TSPAN5: variants seen among roughly 807,000 people sequenced by gnomAD.
TSPAN5 encodes the protein tetraspanin 5, also known as tetraspanin-5.
Under a neutral mutation model 37.1 loss-of-function variants are expected in TSPAN5, and 10 were observed. The ratio of observed to expected loss-of-function variants is 0.27; its 90% CI spans 0.17 to 0.46. TSPAN5 has a LOEUF of 0.46. Ranked by LOEUF, TSPAN5 falls within the 20% of genes least tolerant of loss-of-function variation. The pLI is 1.00. For missense variants in TSPAN5, 195 were observed against 326.6 expected (o/e 0.60, Z 3.11); for synonymous variants, 110 against 118.9 (o/e 0.93, Z 0.48).
intron 1 of TSPAN5, among the ~76,000 whole-genome samples, chr4:98,601,295 T>C (rs1394327108): frequency 6.6e-6 from 1 of 152,238 alleles, no homozygotes; most frequent in East Asian, 1.9e-4. Context: ...CACTGACTTC[T>C]CCTCTCTAGC....
chr4:98,562,014 T>C (rs2110169727), intron 1 of TSPAN5, among the ~76,000 whole-genome samples: 1 of 152,288 alleles, frequency 6.6e-6, no homozygotes, highest in Non-Finnish European at 1.5e-5. Context: ...CCCTCAAAAG[T>C]AGGCTCCATG....
chr4:98,491,703 TG>T lies in TSPAN5; in HGVS notation c.133-4820del, dbSNP rs1228417661. Among the ~76,000 whole-genome samples, 5 of 141,086 alleles carry T rather than the reference TG, an allele frequency of 3.5e-5. No homozygotes were observed. In the South Asian group the frequency reaches 1.1e-3, roughly 32 times the overall value. The allele number at this position is 141,086 out of a possible 152,430, so 92.6% of individuals were successfully genotyped here. On this transcript the variant is annotated intron_variant, in intron 2 of 7. Coordinates refer to ENST00000305798, the MANE Select transcript of TSPAN5 (RefSeq NM_005723.4). ...CTCTGTCTAAAAAAAAAAAAAAAGGTGGGGGGGAACATAATCCTGACAACAG... is the reference window on the plus strand; with the variant it reads ...CTCTGTCTAAAAAAAAAAAAAAAGGTGGGGGGAACATAATCCTGACAACAG...
At chr4:98,490,798 C>A (rs1401302935) in intron 2 of TSPAN5, among the ~76,000 whole-genome samples, 1 of 152,090 alleles carries the variant, frequency 6.6e-6, no homozygotes, top group Non-Finnish European at 1.5e-5. Flanking sequence ...TGATGGCTCA[C>A]GCCTGTAATC....
intron 1 of TSPAN5, among the ~76,000 whole-genome samples, chr4:98,550,547 A>G (rs527649527): frequency 4.0e-5 from 6 of 148,270 alleles, no homozygotes; most frequent in Non-Finnish European, 8.9e-5. Flanking sequence ...TGTGTTGTCT[A>G]TGATTACTTT....
intron 1 of TSPAN5, among the ~76,000 whole-genome samples, chr4:98,548,026 A>G (rs1180067406): frequency 7.4e-6 from 1 of 134,404 alleles, no homozygotes; most frequent in East Asian, 2.1e-4. Context: ...AAAAAAAAAA[A>G]AGAAAAAGAA....
At position 98,547,937 on chromosome 4, in the gene TSPAN5, A is replaced by T. The variant is rs576875681; in HGVS notation, c.82-40209T>A. On this transcript the variant is annotated intron_variant, in intron 1 of 7. Transcript: ENST00000305798. ...GGAGAATCCCTTGAACCCTGGAGGT[A>T]GAGGCTGCAGTGAGCTGACAGCCGA... 2.1e-4 allele frequency among the ~76,000 whole-genome samples: 31 copies of T among 147,364 alleles called. No individual in the cohort carries two copies. The South Asian group carries it at 6.7e-3, about 32-fold the overall frequency.
chr4:98,489,757 C>G (rs1279369618), intron 2 of TSPAN5, among the ~76,000 whole-genome samples: 1 of 151,630 alleles, frequency 6.6e-6, no homozygotes, highest in Non-Finnish European at 1.5e-5. Flanking sequence ...CCTAATCGAG[C>G]TGGATAGAGC....
chr4:98,542,050 A>G (rs1754370960), intron 1 of TSPAN5, among the ~76,000 whole-genome samples: 1 of 152,186 alleles, frequency 6.6e-6, no homozygotes, highest in Non-Finnish European at 1.5e-5. Context: ...GGCAGCTAGT[A>G]GGCCACTCTG....
chr4:98,603,479 T>C (rs1260509099), intron 1 of TSPAN5, among the ~76,000 whole-genome samples: 1 of 152,210 alleles, frequency 6.6e-6, no homozygotes, highest in Non-Finnish European at 1.5e-5. Flanking sequence ...AATACCATGA[T>C]TAGTTGGCCA....
intron 1 of TSPAN5, among the ~76,000 whole-genome samples, chr4:98,512,262 A>T (rs1311911173): frequency 6.6e-6 from 1 of 152,230 alleles, no homozygotes; most frequent in Non-Finnish European, 1.5e-5. Flanking sequence ...CCAAGATCAT[A>T]AAGGTGCCTG....
At chr4:98,506,057 C>A (rs1753472334) in intron 2 of TSPAN5, among the ~76,000 whole-genome samples, 1 of 152,158 alleles carries the variant, frequency 6.6e-6, no homozygotes, top group African/African-American at 2.4e-5. Flanking sequence ...AATTATATTT[C>A]ATAAAGAGAA....
chr4:98,495,046 G>A (rs1408847702), intron 2 of TSPAN5, among the ~76,000 whole-genome samples: 5 of 152,292 alleles, frequency 3.3e-5, no homozygotes, highest in Admixed American at 1.3e-4. Context: ...AGACAGCAGT[G>A]GTGCTGCCAC....
chr4:98,480,599 A>G (rs1752816109), intron 4 of TSPAN5, among the ~76,000 whole-genome samples: 1 of 152,178 alleles, frequency 6.6e-6, no homozygotes, highest in South Asian at 2.1e-4. Context: ...ACATTCCATG[A>G]TGCAAAAAGA....
At chr4:98,585,405 G>T (rs1177414515) in intron 1 of TSPAN5, among the ~76,000 whole-genome samples, 1 of 152,060 alleles carries the variant, frequency 6.6e-6, no homozygotes, top group Admixed American at 6.5e-5. Context: ...TGCCTCCGGG[G>T]TTCAAACAAT....
chr4:98,624,193 G>A (rs1756540715), intron 1 of TSPAN5, among the ~76,000 whole-genome samples: 1 of 151,638 alleles, frequency 6.6e-6, no homozygotes, highest in Non-Finnish European at 1.5e-5. Context: ...TACCATCCCT[G>A]TTTTACAGAC....
At chr4:98,488,809 T>C (rs536472040) in intron 2 of TSPAN5, among the ~76,000 whole-genome samples, 33 of 152,198 alleles carry the variant, frequency 2.2e-4, no homozygotes, top group African/African-American at 7.7e-4. Flanking sequence ...TCCCAACACT[T>C]TGGGAGGCTG....
At chr4:98,493,717 G>T (rs1483446827) in intron 2 of TSPAN5, among the ~76,000 whole-genome samples, 3 of 152,118 alleles carry the variant, frequency 2.0e-5, no homozygotes, top group African/African-American at 4.8e-5. Context: ...CAGACTATAT[G>T]CTATGTCAAT....
At chr4:98,612,217 AG>A (rs1360299048) in intron 1 of TSPAN5, among the ~76,000 whole-genome samples, 6 of 151,930 alleles carry the variant, frequency 3.9e-5, no homozygotes, top group Admixed American at 3.9e-4. Flanking sequence ...GAGGGGGAGG[AG>A]GATGGGGAGG....
intron 1 of TSPAN5, among the ~76,000 whole-genome samples, chr4:98,572,806 T>A (rs1755155722): frequency 6.6e-6 from 1 of 152,226 alleles, no homozygotes. Context: ...TTCCCTCACG[T>A]AGCACCTCTT....
Sources: allele counts gnomAD v4.1 joint callset (sites outside exome capture counted in the v4.1 genomes callset), GRCh38; gene constraint gnomAD v4.1.1; transcripts MANE v1.5; gene names NCBI Gene and HGNC (gene_info 2026-07-23, HGNC 2026-07-21).